DBF4: variants seen among roughly 807,000 people sequenced by gnomAD.
DBF4 encodes the protein DBF4-CDC7 kinase regulatory subunit.
Under a neutral mutation model 76.6 loss-of-function variants are expected in DBF4, and 25 were observed. The ratio of observed to expected loss-of-function variants is 0.33; its 90% CI spans 0.24 to 0.46. The LOEUF (loss-of-function observed/expected upper bound fraction) is 0.46. Among genes scored for constraint, DBF4 ranks in the 20% least tolerant of loss-of-function variants. DBF4 has a pLI of 1.00. For synonymous variants in DBF4, 213 were observed against 258.0 expected, an observed-to-expected ratio of 0.83 and a Z score of 1.67; for missense variants, 638 against 760.8, an observed-to-expected ratio of 0.84 and a Z score of 1.90.
chr7:87,901,232 T>C (rs1268427691), intron 10 of DBF4, among the ~76,000 whole-genome samples: 2 of 152,044 alleles, frequency 1.3e-5, no homozygotes, highest in Non-Finnish European at 2.9e-5. Flanking sequence ...AACATAGGAA[T>C]GGGGATGTTG....
chr7:87,879,026 T>A (rs1258092742), intron 2 of DBF4, among the ~76,000 whole-genome samples: 1 of 152,196 alleles, frequency 6.6e-6, no homozygotes, highest in Non-Finnish European at 1.5e-5. Flanking sequence ...CACTGCAACC[T>A]CCTCCTCTCA....
At chr7:87,886,949 T>C in intron 4 of DBF4, 55 bp downstream of exon 4, 1 of 1,165,000 alleles carries the variant, frequency 8.6e-7, no homozygotes, top group Admixed American at 2.5e-5. Context: ...AAAACTCAAC[T>C]GGAAATTACA....
In DBF4 at chr7:87,878,033, A is replaced by G. The variant is rs1584348707; in HGVS notation, c.47-20A>G. On this transcript the variant is annotated intron_variant, in intron 1 of 11. Transcript: ENST00000265728. The stretch of plus-strand genomic sequence containing the variant: ...TAAAAGTGTCTGTGTAAAACATCTG[A>G]TTCTAAACATCTTTAATAGGTGGAA... The G allele has an allele frequency of 1.3e-6, 2 of 1,554,230 alleles. No homozygotes were observed. Among genetic ancestry groups the G allele is most frequent in the African/African-American group, 1.4e-5 (1 of 72,076 alleles).
chr7:87,892,680 G>A (rs776427346), intron 6 of DBF4, among the ~76,000 whole-genome samples: 1 of 152,152 alleles, frequency 6.6e-6, no homozygotes, highest in Non-Finnish European at 1.5e-5. Context: ...CAAAGTAGTT[G>A]TGCCATTTTG....
Position 87,876,693 on chromosome 7 carries a change from A to C in DBF4, c.-40A>C, listed in dbSNP as rs991854106. ...TGCTTTCGCGGCTGCCCGGTGCGAC[A>C]CTTTCTCCGGACCCAGCATGTAGGT... On this transcript the variant is annotated 5_prime_UTR_variant, in exon 1 of 12. Coordinates refer to ENST00000265728, the MANE Select transcript of DBF4 (RefSeq NM_006716.4). 1.2e-6 allele frequency: 2 copies of C among 1,612,638 alleles called. No individual in the cohort carries two copies. The highest frequency in any genetic ancestry group is 4.5e-5 in the East Asian group (2 of 44,846).
chr7:87,897,267 A>G (rs1839666287), intron 7 of DBF4, 27 bp from the exon 8 acceptor site: 1 of 1,585,694 alleles, frequency 6.3e-7, no homozygotes. Flanking sequence ...ATTTGCAAGT[A>G]TCTAATATGT....
intron 2 of DBF4, 71 bp from the exon 3 acceptor site, chr7:87,884,908 G>T: frequency 8.3e-7 from 1 of 1,203,804 alleles, no homozygotes; most frequent in Non-Finnish European, 1.2e-6. Context: ...CTGCACTCTA[G>T]CCTGGATAAC....
chr7:87,881,091 C>T (rs931479386), intron 2 of DBF4, among the ~76,000 whole-genome samples: 2 of 152,180 alleles, frequency 1.3e-5, no homozygotes, highest in Non-Finnish European at 2.9e-5. Context: ...ATGTGCACTG[C>T]ACTCTGTGTT....
At chr7:87,905,611 A>G (rs1412223125) in intron 11 of DBF4, among the ~76,000 whole-genome samples, 1 of 152,180 alleles carries the variant, frequency 6.6e-6, no homozygotes, top group Non-Finnish European at 1.5e-5. Context: ...ACTTAAAGGG[A>G]TGGTTTCATA....
At chr7:87,880,863 A>G (rs1839195092) in intron 2 of DBF4, among the ~76,000 whole-genome samples, 1 of 152,226 alleles carries the variant, frequency 6.6e-6, no homozygotes, top group Non-Finnish European at 1.5e-5. Context: ...GTCCATGTCT[A>G]AATAGTTTTG....
At position 87,896,463 on chromosome 7, in the gene DBF4, T is replaced by G; in HGVS notation, c.598-11T>G. On this transcript the variant is annotated splice_polypyrimidine_tract_variant and intron_variant, in intron 6 of 11. Coordinates refer to ENST00000265728, the MANE Select transcript of DBF4 (RefSeq NM_006716.4). ...TCAAAGCCAATCTTTTCACTATATA[T>G]TTTTTTTTAGGGCAAAAGAGTTGGT... 2 of 1,428,946 alleles carry G rather than the reference T, an allele frequency of 1.4e-6. No individual in the cohort carries two copies. Among genetic ancestry groups the G allele is most frequent in the Non-Finnish European group, 9.6e-7 (1 of 1,039,866 alleles). The allele number at this position is 1,428,946 out of a possible 1,614,324, so 88.5% of individuals were successfully genotyped here.
intron 7 of DBF4, among the ~76,000 whole-genome samples, chr7:87,896,974 A>G (rs754924150): frequency 6.6e-6 from 1 of 152,218 alleles, no homozygotes; most frequent in Non-Finnish European, 1.5e-5. Flanking sequence ...TGTTACATTT[A>G]TAATTGAAGG....
intron 6 of DBF4, among the ~76,000 whole-genome samples, chr7:87,889,312 C>A (rs1201796833): frequency 6.6e-6 from 1 of 151,338 alleles, no homozygotes; most frequent in African/African-American, 2.4e-5. Context: ...GGCCCTCCCC[C>A]TCTGTCATCC....
chr7:87,887,314 C>CTT lies in DBF4; in HGVS notation c.451-6_451-5dup. The CTT allele has an allele frequency of 7.4e-6, 10 of 1,345,358 alleles. No individual in the cohort carries two copies. The highest frequency in any genetic ancestry group is 2.6e-5 in the East Asian group (1 of 38,014). 83.3% of individuals were successfully genotyped at this position (1,345,358 alleles called of 1,614,324 possible). ...ATAATTTCCTAGAACAACCATAAAA[C>CTT]TTTTTTTTTTACAGGATTTTATTCC... is the stretch of plus-strand genomic sequence containing the variant. On this transcript the variant is annotated splice_polypyrimidine_tract_variant and intron_variant, in intron 4 of 11. Transcript: ENST00000265728.
At chr7:87,893,976 C>T (rs1021192444) in intron 6 of DBF4, among the ~76,000 whole-genome samples, 10 of 152,124 alleles carry the variant, frequency 6.6e-5, no homozygotes, top group Admixed American at 1.3e-4. Context: ...ATAGGATTTA[C>T]GATATACATG....
chr7:87,882,219 C>T (rs1012884164), intron 2 of DBF4, among the ~76,000 whole-genome samples: 3 of 152,076 alleles, frequency 2.0e-5, no homozygotes, highest in African/African-American at 7.2e-5. Flanking sequence ...GTGCCAAGAC[C>T]ATTCATTGGG....
rs1839313727 is a variant in DBF4, at chr7:87,885,157, C to T, written c.398C>T (p.Thr133Ile). 6.3e-7 allele frequency: 1 copy of T among 1,599,138 alleles called. No homozygotes were observed. The highest frequency in any genetic ancestry group is 8.5e-7 in the Non-Finnish European group (1 of 1,172,104). Residue 133 changes from threonine (T) to isoleucine (I), a missense_variant and splice_region_variant, in exon 3 of 12, where the codon ACA (threonine) becomes ATA (isoleucine). By Grantham distance (89) the Thr-to-Ile change is moderately conservative. Coordinates refer to ENST00000265728, the MANE Select transcript of DBF4 (RefSeq NM_006716.4). ...HDGSSFKSPD[T>I]VCLSRGKLLV... ...GGAAGTTCATTTAAGTCACCAGACACAGTAAGTCTCTTAAATATGCTTTGA... is the reference window on the plus strand; with the variant it reads ...GGAAGTTCATTTAAGTCACCAGACATAGTAAGTCTCTTAAATATGCTTTGA...
chr7:87,900,092 T>C (rs1839737030), intron 8 of DBF4, 129 bp from the exon 9 acceptor site: 1 of 799,550 alleles, frequency 1.3e-6, no homozygotes, highest in Non-Finnish European at 1.9e-6. Flanking sequence ...AATTGATTTT[T>C]TGAAGGAAAG....
At position 87,878,230 on chromosome 7, in the gene DBF4, G is replaced by T; in HGVS notation, c.219+5G>T. On this transcript the variant is annotated splice_donor_5th_base_variant and intron_variant, in intron 2 of 11. Coordinates refer to ENST00000265728, the MANE Select transcript of DBF4 (RefSeq NM_006716.4). ...GACATTAAGGATCTGGGAGGGGTAA[G>T]TGAAAACCGTACACTGGCATAGAAG... The T allele has an allele frequency of 1.2e-6, 2 of 1,604,462 alleles. No individual in the cohort carries two copies. The highest frequency in any genetic ancestry group is 1.7e-6 in the Non-Finnish European group (2 of 1,176,334).
Sources: allele counts gnomAD v4.1 joint callset (sites outside exome capture counted in the v4.1 genomes callset), GRCh38; gene constraint gnomAD v4.1.1; transcripts MANE v1.5; gene names NCBI Gene and HGNC (gene_info 2026-07-23, HGNC 2026-07-21).